OR5P3: variants seen among roughly 807,000 people sequenced by gnomAD.
The protein encoded by OR5P3 is olfactory receptor 5P3.
For missense variants in OR5P3, 415 were observed against 375.6 expected (o/e 1.10, Z -0.87); for synonymous variants, 172 against 141.8 (o/e 1.21, Z -1.51).
intron 1 of OR5P3, among the ~76,000 whole-genome samples, chr11:7,828,482 TTGC>T (rs1857771084): frequency 6.6e-6 from 1 of 152,170 alleles, no homozygotes; most frequent in African/African-American, 2.4e-5. Context: ...TACAATTTAA[TTGC>T]TGAATAGCAG....
intron 1 of OR5P3, among the ~76,000 whole-genome samples, chr11:7,828,311 G>T (rs1384740028): frequency 6.6e-6 from 1 of 152,086 alleles, no homozygotes; most frequent in South Asian, 2.1e-4. Flanking sequence ...CAGGAAAAAG[G>T]CTTCAAGAGT....
In OR5P3 at chr11:7,825,826, G is replaced by A; in HGVS notation, c.147C>T (p.Ile49=). 1.2e-6 allele frequency: 2 copies of A among 1,613,024 alleles called. No homozygotes were observed. Among genetic ancestry groups the A allele is most frequent in the South Asian group, 2.2e-5 (2 of 91,076 alleles). ...GTGTATGAAGATGATGACTTCTTCT[G>A]ATCAATACAATTATGCTGATATTAC... is the stretch of plus-strand genomic sequence containing the variant. ...LMGNISIIVL[I]RRSHHLHTPM... The change falls in exon 2 of 2, where the codon ATC becomes ATT. Residue 49 remains isoleucine, a synonymous_variant. Coordinates refer to ENST00000641167, the MANE Select transcript of OR5P3 (RefSeq NM_153445.2).
rs528674264 is a variant in OR5P3 at position 7,829,292 on chromosome 11, A to C, written c.-22+1532T>G. Among the ~76,000 whole-genome samples, 6 of 152,342 alleles carry C rather than the reference A, an allele frequency of 3.9e-5. No individual in the cohort carries two copies. The South Asian group carries it at 1.0e-3, about 26-fold the overall frequency. On this transcript the variant is annotated intron_variant, in intron 1 of 1. Transcript: ENST00000641167. Reference sequence around the variant, plus strand: ...GTTGATTGGTTGGGAATATGAGTAAAGAGAAACAGAAGATACAGAGTTTTA... The same window carrying C: ...GTTGATTGGTTGGGAATATGAGTAACGAGAAACAGAAGATACAGAGTTTTA...
chr11:7,827,178 T>C (rs962486348), intron 1 of OR5P3, among the ~76,000 whole-genome samples: 2 of 152,228 alleles, frequency 1.3e-5, no homozygotes, highest in Non-Finnish European at 2.9e-5. Flanking sequence ...TTTCACATAT[T>C]ATACATCTTT....
At position 7,825,800 on chromosome 11, in the gene OR5P3, G is replaced by A. The variant is rs775755921; in HGVS notation, c.173C>T (p.Pro58Leu). The change falls in exon 2 of 2, where the codon CCC becomes CTC. Residue 58 changes from proline (P) to leucine (L), a missense_variant. Physicochemically the swap from Pro to Leu is moderately conservative, Grantham distance 98. Transcript: ENST00000641167. ...CAAATGGCAGAGGAAAATGTACATGGGTGTATGAAGATGATGACTTCTTCT... is the reference window on the plus strand; with the variant it reads ...CAAATGGCAGAGGAAAATGTACATGAGTGTATGAAGATGATGACTTCTTCT... The part of the protein sequence containing the change: ...LIRRSHHLHT[P>L]MYIFLCHLAF... The A allele has an allele frequency of 1.2e-6, 2 of 1,613,126 alleles. No individual in the cohort carries two copies. Among genetic ancestry groups the A allele is most frequent in the East Asian group, 4.5e-5 (2 of 44,892 alleles).
At chr11:7,826,808 A>C (rs1349211799) in intron 1 of OR5P3, among the ~76,000 whole-genome samples, 1 of 152,254 alleles carries the variant, frequency 6.6e-6, no homozygotes, top group Non-Finnish European at 1.5e-5. Flanking sequence ...AGCTGGGGCT[A>C]GGTTGCTAAC....
At position 7,825,102 on chromosome 11, in the gene OR5P3, T is replaced by C. The variant is rs1438031173; in HGVS notation, c.871A>G (p.Ser291Gly). ...CCCTTAATCTCCTTGTTCCTGAGGC[T>C]GTAGATCAGGGGGTTCAACATGGGA... is the stretch of plus-strand genomic sequence containing the variant. The part of the protein sequence containing the change: ...VIPMLNPLIY[S>G]LRNKEIKGAL... Residue 291 changes from serine (S) to glycine (G), a missense_variant, in exon 2 of 2, where the codon AGC (serine) becomes GGC (glycine). Ser to Gly is a moderately conservative substitution (Grantham distance 56, BLOSUM62 0). Transcript: ENST00000641167. 9 of 1,614,078 alleles carry C rather than the reference T, an allele frequency of 5.6e-6. No homozygotes were observed. Among genetic ancestry groups the C allele is most frequent in the Non-Finnish European group, 7.6e-6 (9 of 1,180,024 alleles).
At chr11:7,826,937 T>C (rs990587180) in intron 1 of OR5P3, among the ~76,000 whole-genome samples, 1 of 152,156 alleles carries the variant, frequency 6.6e-6, no homozygotes, top group Non-Finnish European at 1.5e-5. Context: ...CCAACTCGCT[T>C]GAGAAAAATC....
chr11:7,825,384 T>C lies in OR5P3; in HGVS notation c.589A>G (p.Ile197Val). The change falls in exon 2 of 2, where the codon ATA (isoleucine) becomes GTA (valine). Residue 197 changes from isoleucine to valine, a missense_variant. Ile to Val is a conservative substitution (Grantham distance 29, BLOSUM62 3). Coordinates refer to ENST00000641167, the MANE Select transcript of OR5P3 (RefSeq NM_153445.2). ...LACSHDFTFE[I>V]IPAISSGSII... ...GATCCAGAAGAGATAGCTGGAATTA[T>C]TTCAAAAGTAAAATCATGGGAACAA... 2 of 1,613,170 alleles carry C rather than the reference T, an allele frequency of 1.2e-6. No individual in the cohort carries two copies. The highest frequency in any genetic ancestry group is 1.7e-6 in the Non-Finnish European group (2 of 1,180,032).
chr11:7,826,041 T>C, intron 1 of OR5P3, 48 bp from the exon 2 acceptor site: 1 of 881,296 alleles, frequency 1.1e-6, no homozygotes. Flanking sequence ...ATGCTATAAT[T>C]GCACACTTAT....
In OR5P3 at chr11:7,825,715, T is replaced by C; in HGVS notation, c.258A>G (p.Leu86=). Residue 86 remains leucine, a synonymous_variant, in exon 2 of 2, where the codon CTA becomes CTG. Coordinates refer to ENST00000641167, the MANE Select transcript of OR5P3 (RefSeq NM_153445.2). The part of the protein sequence containing the change: ...SVTPVMLMSF[L]RKETSLPVAG... ...CAACAGGGAGAGAGGTTTCTTTCCT[T>C]AGGAAGCTCATGAGCATGACAGGTG... is the stretch of plus-strand genomic sequence containing the variant. 2 of 1,613,066 alleles carry C rather than the reference T, an allele frequency of 1.2e-6. No homozygotes were observed. Among genetic ancestry groups the C allele is most frequent in the Non-Finnish European group, 1.7e-6 (2 of 1,180,016 alleles).
Position 7,825,404 on chromosome 11 carries a change from G to T in OR5P3, c.569C>A (p.Ser190Tyr), listed in dbSNP as rs748564383. 3 of 1,613,134 alleles carry T rather than the reference G, an allele frequency of 1.9e-6. No individual in the cohort carries two copies. Among genetic ancestry groups the T allele is most frequent in the South Asian group, 1.1e-5 (1 of 91,082 alleles). ...AATTATTTCAAAAGTAAAATCATGG[G>T]AACAAGCAAGCTTCAAAAGTGGTGA... ...DYSPLLKLAC[S>Y]HDFTFEIIPA... Residue 190 changes from serine (S) to tyrosine (Y), a missense_variant, in exon 2 of 2, where the codon TCC becomes TAC. Physicochemically the swap from Ser to Tyr is moderately radical, Grantham distance 144. Transcript: ENST00000641167.
intron 1 of OR5P3, among the ~76,000 whole-genome samples, chr11:7,828,427 A>C (rs912448347): frequency 2.6e-5 from 4 of 152,178 alleles, no homozygotes; most frequent in African/African-American, 7.2e-5. Flanking sequence ...TGAGAGAGAG[A>C]GTACAGAAGA....
intron 1 of OR5P3, among the ~76,000 whole-genome samples, chr11:7,828,801 T>C (rs1857775707): frequency 6.6e-6 from 1 of 152,192 alleles, no homozygotes; most frequent in Admixed American, 6.6e-5. Flanking sequence ...TGGTTACTTT[T>C]ATGGAGTATG....
chr11:7,828,082 A>G (rs1278284704), intron 1 of OR5P3, among the ~76,000 whole-genome samples: 3 of 152,156 alleles, frequency 2.0e-5, no homozygotes, highest in Non-Finnish European at 4.4e-5. Context: ...AATGTCCACA[A>G]GCAGCAACAA....
In OR5P3 at chr11:7,825,957, C is replaced by G. The variant is rs1465064152; in HGVS notation, c.16G>C (p.Asp6His). 4 of 1,547,398 alleles carry G rather than the reference C, an allele frequency of 2.6e-6. No individual in the cohort carries two copies. The East Asian group carries it at 9.0e-5, about 35-fold the overall frequency. The change falls in exon 2 of 2, where the codon GAC (aspartate) becomes CAC (histidine). Residue 6 changes from aspartate to histidine, a missense_variant. Coordinates refer to ENST00000641167, the MANE Select transcript of OR5P3 (RefSeq NM_153445.2). MGTGN[D>H]TTVVEFTLLG... ...AGAGTAAACTCTACCACAGTGGTGTCATTTCCAGTCCCCATCTATATTGGG... is the reference window on the plus strand; with the variant it reads ...AGAGTAAACTCTACCACAGTGGTGTGATTTCCAGTCCCCATCTATATTGGG...
At chr11:7,830,510 T>C (rs563376219) in intron 1 of OR5P3, among the ~76,000 whole-genome samples, 1 of 152,322 alleles carries the variant, frequency 6.6e-6, no homozygotes, top group South Asian at 2.1e-4. Flanking sequence ...GGAAGCAATG[T>C]GTTGGACAGA....
Position 7,825,182 on chromosome 11 carries a change from G to A in OR5P3, c.791C>T (p.Ser264Phe), listed in dbSNP as rs1313567952. 2 of 1,609,316 alleles carry A rather than the reference G, an allele frequency of 1.2e-6. No individual in the cohort carries two copies. The highest frequency in any genetic ancestry group is 1.4e-5 in the African/African-American group (1 of 70,526). Reference sequence around the variant, plus strand: ...CTTGTTCTGGTCAGTTGAGTAGCTGGACTTGGGCATCACATAAATGAAGGT... The same window carrying A: ...CTTGTTCTGGTCAGTTGAGTAGCTGAACTTGGGCATCACATAAATGAAGGT... ...TITFIYVMPK[S>F]SYSTDQNKVV... Residue 264 changes from serine to phenylalanine, a missense_variant, in exon 2 of 2, where the codon TCC becomes TTC. Ser to Phe is a radical substitution (Grantham distance 155). Transcript: ENST00000641167.
At chr11:7,826,236 G>C in intron 1 of OR5P3, among the ~76,000 whole-genome samples, 1 of 151,566 alleles carries the variant, frequency 6.6e-6, no homozygotes, top group South Asian at 2.1e-4. Context: ...AACTCGTATT[G>C]GATGGTTAAT....
Sources: gnomAD v4.1 joint callset for allele counts (sites outside exome capture counted in the v4.1 genomes callset) on GRCh38, gnomAD v4.1.1 for gene constraint, MANE v1.5 for transcripts, NCBI Gene and HGNC (gene_info 2026-07-23, HGNC 2026-07-21) for gene names.